The following PTPRT variants were observed in gnomAD, a reference collection of about 807,000 sequenced individuals.
PTPRT encodes protein tyrosine phosphatase receptor type T.
In PTPRT, 56 loss-of-function variants were observed where a neutral mutation model predicts 176.8. That is an observed-to-expected ratio of 0.32 (90% confidence interval 0.26 to 0.40). The LOEUF (loss-of-function observed/expected upper bound fraction) is 0.40, where lower values mean the gene tolerates loss of function less well. Ranked by LOEUF, PTPRT falls within the 10% of genes least tolerant of loss-of-function variation. The probability of loss-of-function intolerance (pLI) is 1.00; values close to 1 mark genes in which losing one functional copy is unlikely to be tolerated. For missense variants in PTPRT, 1,540 were observed against 1,908.2 expected (o/e 0.81, Z 3.60); for synonymous variants, 783 against 739.0 (o/e 1.06, Z -0.96).
chr20:42,742,802 A>G (rs1188474323), intron 6 of PTPRT, among the ~76,000 whole-genome samples: 1 of 152,210 alleles, frequency 6.6e-6, no homozygotes, highest in Non-Finnish European at 1.5e-5. Flanking sequence ...GAGGCAAGAA[A>G]CATCCTTCTG....
intron 7 of PTPRT, among the ~76,000 whole-genome samples, chr20:42,581,421 T>C (rs1382505375): frequency 6.6e-6 from 1 of 152,198 alleles, no homozygotes; most frequent in African/African-American, 2.4e-5. Flanking sequence ...ACGGAAACGA[T>C]TTGTTTCTTT....
chr20:42,811,495 A>G (rs1030051464), intron 2 of PTPRT, among the ~76,000 whole-genome samples: 4 of 152,230 alleles, frequency 2.6e-5, no homozygotes, highest in Admixed American at 2.6e-4. Flanking sequence ...ACCAAGAGAT[A>G]CTTACCCAAA....
intron 1 of PTPRT, among the ~76,000 whole-genome samples, chr20:43,183,199 T>C (rs1465939470): frequency 6.6e-6 from 1 of 152,232 alleles, no homozygotes; most frequent in Non-Finnish European, 1.5e-5. Flanking sequence ...TAATTCACAG[T>C]CTAAAGAGCC....
intron 11 of PTPRT, among the ~76,000 whole-genome samples, chr20:42,340,238 T>A (rs1385626066): frequency 1.3e-5 from 2 of 152,216 alleles, no homozygotes; most frequent in Non-Finnish European, 2.9e-5. Flanking sequence ...AGTTACTGTA[T>A]TGGACAGTGT....
At chr20:42,400,097 G>A (rs1044509302) in intron 9 of PTPRT, among the ~76,000 whole-genome samples, 3 of 152,096 alleles carry the variant, frequency 2.0e-5, no homozygotes. Context: ...GCCTCATGTT[G>A]TCTTTAACCC....
chr20:42,853,618 C>A (rs554612644), intron 2 of PTPRT, among the ~76,000 whole-genome samples: 1 of 152,296 alleles, frequency 6.6e-6, no homozygotes, highest in African/African-American at 2.4e-5. Flanking sequence ...GGTGCTCGAA[C>A]GATTGGATTA....
At chr20:42,303,332 C>T (rs1023915735) in intron 12 of PTPRT, among the ~76,000 whole-genome samples, 1 of 152,102 alleles carries the variant, frequency 6.6e-6, no homozygotes, top group Non-Finnish European at 1.5e-5. Context: ...AATGGCAGGG[C>T]CAGCAGGTGT....
chr20:42,507,069 C>T (rs190058834), intron 7 of PTPRT, among the ~76,000 whole-genome samples: 90 of 152,236 alleles, frequency 5.9e-4, no homozygotes, highest in African/African-American at 2.0e-3. Context: ...AGTAAAAACA[C>T]GCCCCAAATC....
chr20:42,106,913 G>A lies in PTPRT; in HGVS notation c.3263C>T (p.Ala1088Val). 1.2e-6 allele frequency: 2 copies of A among 1,614,094 alleles called. No homozygotes were observed. Among genetic ancestry groups the A allele is most frequent in the East Asian group, 2.2e-5 (1 of 44,866 alleles). Reference protein sequence around the residue: ...GPIVVHCSAGAGRTGCFIAID... With the variant: ...GPIVVHCSAGVGRTGCFIAID... ...GGCAATGAAGCAGCCAGTCCGCCCA[G>A]CCCCAGCACTGGAAGAGAGGTATGG... Residue 1088 changes from alanine (A) to valine (V), a missense_variant, in exon 24 of 31, where the codon GCT becomes GTT. By Grantham distance (64) the Ala-to-Val change is moderately conservative. This residue lies in a region of PTPRT where 248 missense variants were observed against 356.7 expected (regional missense o/e 0.70). Transcript: ENST00000373187.
rs976767333 is a variant in PTPRT, at chr20:42,141,781, T to C, written c.2770+134A>G. 7 of 844,742 alleles carry C rather than the reference T, an allele frequency of 8.3e-6. No homozygotes were observed. The African/African-American group carries it at 1.0e-4, about 12-fold the overall frequency. The allele number at this position is 844,742 out of a possible 1,614,324, so 52.3% of individuals were successfully genotyped here. Reference sequence around the variant, plus strand: ...CAGTAAGGCTGATATAAAGCTTCCATCTTGGCATGTAGATACAAAGCTAGA... The same window carrying C: ...CAGTAAGGCTGATATAAAGCTTCCACCTTGGCATGTAGATACAAAGCTAGA... On this transcript the variant is annotated intron_variant, in intron 18 of 30. Coordinates refer to ENST00000373187, the MANE Select transcript of PTPRT (RefSeq NM_007050.6).
chr20:42,851,441 T>A (rs1322204424), intron 2 of PTPRT, among the ~76,000 whole-genome samples: 1 of 152,192 alleles, frequency 6.6e-6, no homozygotes, highest in Non-Finnish European at 1.5e-5. Context: ...CCCTTTCCAA[T>A]CCAATTCTTG....
chr20:42,332,210 AT>A lies in PTPRT; in HGVS notation c.1866-16215del, dbSNP rs1039250812. On this transcript the variant is annotated intron_variant, in intron 11 of 30. Coordinates refer to ENST00000373187, the MANE Select transcript of PTPRT (RefSeq NM_007050.6). ...ACTATGATTTCTTCAAGAAAAAAAC[AT>A]TTTTTTTCTTGTTTTTGAGATGGAG... Among the ~76,000 whole-genome samples the A allele has an allele frequency of 3.3e-5, 5 of 151,562 alleles. No homozygotes were observed. The East Asian group carries it at 9.7e-4, about 29-fold the overall frequency.
chr20:42,325,128 A>C (rs1238110743), intron 11 of PTPRT, among the ~76,000 whole-genome samples: 3 of 152,186 alleles, frequency 2.0e-5, no homozygotes, highest in Non-Finnish European at 4.4e-5. Context: ...AATCCAATGA[A>C]GTGAGGGCAG....
intron 2 of PTPRT, among the ~76,000 whole-genome samples, chr20:42,793,475 T>C (rs2077406536): frequency 6.6e-6 from 1 of 152,130 alleles, no homozygotes; most frequent in African/African-American, 2.4e-5. Flanking sequence ...AAGATTATTG[T>C]CTCTAGTTCC....
Position 42,352,102 on chromosome 20 carries a change from T to C in PTPRT, c.1744A>G (p.Ile582Val). The C allele has an allele frequency of 6.2e-7, 1 of 1,614,022 alleles. No individual in the cohort carries two copies. Among genetic ancestry groups the C allele is most frequent in the East Asian group, 2.2e-5 (1 of 44,870 alleles). Residue 582 changes from isoleucine (I) to valine (V), a missense_variant, in exon 10 of 31, where the codon ATT becomes GTT. Around this residue, in one of 11 missense-constraint regions of PTPRT, gnomAD observed 136 missense variants for 135.0 expected, o/e 1.01. Transcript: ENST00000373187. ...KGFGPPVTTR[I>V]ATKISAPSMP... ...GAGATACCTGAAATTTTGGTGGCAATCCGAGTGGTGACAGGGGGCCCAAAG... is the reference window on the plus strand; with the variant it reads ...GAGATACCTGAAATTTTGGTGGCAACCCGAGTGGTGACAGGGGGCCCAAAG...
Position 42,848,760 on chromosome 20 carries a change from A to C in PTPRT, c.214+37047T>G, listed in dbSNP as rs559168539. Among the ~76,000 whole-genome samples the C allele has an allele frequency of 1.7e-3, 265 of 151,964 alleles. No individual in the cohort carries two copies. The Middle Eastern group carries it at 0.02, about 12-fold the overall frequency. ...GCAAAATTTCTCTCCCATTTTGTGG[A>C]CTGTCTGTTTATTCTGCTGATTGTT... On this transcript the variant is annotated intron_variant, in intron 2 of 30. Coordinates refer to ENST00000373187, the MANE Select transcript of PTPRT (RefSeq NM_007050.6).
intron 5 of PTPRT, among the ~76,000 whole-genome samples, chr20:42,763,378 C>T (rs1054078298): frequency 2.0e-5 from 3 of 152,114 alleles, no homozygotes; most frequent in African/African-American, 7.2e-5. Flanking sequence ...ACAACAGATA[C>T]TATGCCTGGT....
At chr20:42,251,676 A>G (rs1368565252) in intron 13 of PTPRT, among the ~76,000 whole-genome samples, 1 of 151,416 alleles carries the variant, frequency 6.6e-6, no homozygotes, top group East Asian at 1.9e-4. Flanking sequence ...GAGCAGCAGG[A>G]GAAATAGCCT....
At chr20:42,253,554 G>T (rs1469391727) in intron 13 of PTPRT, among the ~76,000 whole-genome samples, 1 of 152,108 alleles carries the variant, frequency 6.6e-6, no homozygotes, top group East Asian at 1.9e-4. Flanking sequence ...GAAGGAGGAG[G>T]GATTTGGGTG....
Sources: allele counts gnomAD v4.1 joint callset (sites outside exome capture counted in the v4.1 genomes callset), GRCh38; gene constraint gnomAD v4.1.1; regional missense constraint gnomAD v4.1.1; transcripts MANE v1.5; gene names NCBI Gene and HGNC (gene_info 2026-07-23, HGNC 2026-07-21).